Variants in PDE1C observed in about 807,000 individuals in gnomAD.
The protein encoded by PDE1C is phosphodiesterase 1C.
Under a neutral mutation model 93.1 loss-of-function variants are expected in PDE1C, and 62 were observed. The ratio of observed to expected loss-of-function variants is 0.67; its 90% CI spans 0.54 to 0.82. The LOEUF (loss-of-function observed/expected upper bound fraction) is 0.82. Ranked by LOEUF, PDE1C falls within the 40% of genes least tolerant of loss-of-function variation. The probability of loss-of-function intolerance (pLI) is 0.00; values close to 1 mark genes in which losing one functional copy is unlikely to be tolerated. For synonymous variants in PDE1C, 325 were observed against 310.1 expected (o/e 1.05, Z -0.50); for missense variants, 742 against 884.6 (o/e 0.84, Z 2.04).
chr7:32,205,570 G>C (rs1027520594), intron 2 of PDE1C, among the ~76,000 whole-genome samples: 1 of 150,524 alleles, frequency 6.6e-6, no homozygotes, highest in Non-Finnish European at 1.5e-5. Flanking sequence ...CAGGATGTGG[G>C]TGGAGCCAAA....
intron 2 of PDE1C, among the ~76,000 whole-genome samples, chr7:32,207,633 T>C (rs549744435): frequency 9.2e-5 from 14 of 152,082 alleles, no homozygotes; most frequent in African/African-American, 2.9e-4. Context: ...TTTTTTTCCC[T>C]GTATCAGTCC....
intron 16 of PDE1C, among the ~76,000 whole-genome samples, chr7:31,782,013 A>G (rs1001265798): frequency 3.3e-5 from 5 of 152,168 alleles, no homozygotes; most frequent in Non-Finnish European, 7.3e-5. Context: ...TATATCTGGA[A>G]ATTTGTCCAG....
At chr7:32,376,930 G>A (rs1251443194) in intron 1 of PDE1C, among the ~76,000 whole-genome samples, 4 of 151,918 alleles carry the variant, frequency 2.6e-5, no homozygotes, top group African/African-American at 9.7e-5. Flanking sequence ...CTCATCATCC[G>A]CCAGCCTCGG....
At chr7:32,098,784 A>G (rs1797902766) in intron 3 of PDE1C, among the ~76,000 whole-genome samples, 1 of 152,136 alleles carries the variant, frequency 6.6e-6, no homozygotes, top group South Asian at 2.1e-4. Flanking sequence ...CATCCCCATC[A>G]TCTCTCTTCT....
chr7:32,312,412 G>C lies in PDE1C; in HGVS notation c.311-102873C>G, dbSNP rs558428685. On this transcript the variant is annotated intron_variant, in intron 1 of 1. Transcript: ENST00000672256. ...CAGAATTGGAAAAAACTACTTTAAAGTTCATATGGAACCAAAAAAGAGCCC... is the reference window on the plus strand; with the variant it reads ...CAGAATTGGAAAAAACTACTTTAAACTTCATATGGAACCAAAAAAGAGCCC... Among the ~76,000 whole-genome samples the C allele has an allele frequency of 3.1e-3, 468 of 152,018 alleles. 3 individuals carry two copies. The highest frequency in any genetic ancestry group is 0.01 in the African/African-American group (433 of 41,482).
chr7:31,904,728 G>A (rs1397451663), intron 2 of PDE1C, among the ~76,000 whole-genome samples: 1 of 151,670 alleles, frequency 6.6e-6, no homozygotes, highest in Non-Finnish European at 1.5e-5. Flanking sequence ...TATTTTAATT[G>A]TAAATTATGC....
At chr7:31,635,284 A>G in the PDE1C span, among the ~76,000 whole-genome samples, 1 of 152,224 alleles carries the variant, frequency 6.6e-6, no homozygotes, top group South Asian at 2.1e-4. Flanking sequence ...TACTCTATAA[A>G]GAGAAAGGAT....
chr7:31,903,282 G>A (rs1258807192), intron 2 of PDE1C, among the ~76,000 whole-genome samples: 1 of 151,808 alleles, frequency 6.6e-6, no homozygotes, highest in Non-Finnish European at 1.5e-5. Context: ...ACCAAATCTT[G>A]TCATATAAAT....
chr7:31,908,628 GTAGT>G (rs1257260466), intron 2 of PDE1C, among the ~76,000 whole-genome samples: 2 of 152,186 alleles, frequency 1.3e-5, no homozygotes, highest in East Asian at 3.9e-4. Flanking sequence ...CAGATATGAC[GTAGT>G]TAATGTTATT....
At chr7:32,194,077 G>A (rs1324264170) in intron 2 of PDE1C, among the ~76,000 whole-genome samples, 6 of 151,802 alleles carry the variant, frequency 4.0e-5, no homozygotes, top group Non-Finnish European at 7.4e-5. Context: ...ACCACACCCG[G>A]TAATTTTTTT....
At chr7:31,762,920 C>A (rs1045982224) in intron 17 of PDE1C, among the ~76,000 whole-genome samples, 8 of 152,152 alleles carry the variant, frequency 5.3e-5, no homozygotes, top group African/African-American at 1.9e-4. Flanking sequence ...AGTTTTGCTA[C>A]CTTCCATGCA....
At chr7:32,012,230 C>T (rs1331579495) in intron 2 of PDE1C, among the ~76,000 whole-genome samples, 1 of 152,100 alleles carries the variant, frequency 6.6e-6, no homozygotes, top group Non-Finnish European at 1.5e-5. Flanking sequence ...TAGTGAGGGC[C>T]TCTAGTGAGG....
At chr7:31,986,329 G>C (rs550894475) in intron 2 of PDE1C, among the ~76,000 whole-genome samples, 1 of 152,206 alleles carries the variant, frequency 6.6e-6, no homozygotes, top group African/African-American at 2.4e-5. Flanking sequence ...TTCCGATCTT[G>C]TAAAGACACC....
intron 2 of PDE1C, among the ~76,000 whole-genome samples, chr7:32,174,970 A>T (rs138380063): frequency 9.4e-4 from 143 of 152,340 alleles, no homozygotes; most frequent in African/African-American, 3.3e-3. Context: ...TAATGAATTC[A>T]TAAGAGCTTT....
At chr7:31,850,491 A>T in intron 8 of PDE1C, 150 bp downstream of exon 8, 1 of 628,336 alleles carries the variant, frequency 1.6e-6, no homozygotes. Flanking sequence ...ATTGAAGCTG[A>T]TCAGACTGAT....
intron 11 of PDE1C, among the ~76,000 whole-genome samples, chr7:31,832,952 A>G (rs1212069163): frequency 2.0e-5 from 3 of 152,192 alleles, no homozygotes; most frequent in African/African-American, 7.2e-5. Flanking sequence ...AAATACTCCT[A>G]GCTGTAGAGG....
chr7:32,069,805 T>C (rs1203080580), intron 1 of PDE1C, among the ~76,000 whole-genome samples: 1 of 152,084 alleles, frequency 6.6e-6, no homozygotes, highest in African/African-American at 2.4e-5. Flanking sequence ...CCAGGAAATA[T>C]CAGAAGTTCG....
intron 2 of PDE1C, among the ~76,000 whole-genome samples, chr7:32,182,124 C>T (rs963544034): frequency 6.6e-6 from 1 of 152,160 alleles, no homozygotes; most frequent in Admixed American, 6.5e-5. Flanking sequence ...TCTGAATAGA[C>T]CAATAACAGG....
At chr7:31,826,907 C>T (rs892693312) in intron 12 of PDE1C, among the ~76,000 whole-genome samples, 2 of 152,158 alleles carry the variant, frequency 1.3e-5, no homozygotes, top group Non-Finnish European at 2.9e-5. Flanking sequence ...CTTAACTCTG[C>T]CACTAAAGTG....
Sources: gnomAD v4.1 joint callset for allele counts (sites outside exome capture counted in the v4.1 genomes callset) on GRCh38, gnomAD v4.1.1 for gene constraint, MANE v1.5 for transcripts, NCBI Gene and HGNC (gene_info 2026-07-23, HGNC 2026-07-21) for gene names.